PHTF1: variants seen among roughly 807,000 people sequenced by gnomAD.
The protein encoded by PHTF1 is protein PHTF1.
A neutral mutation model predicts 102.4 loss-of-function variants in PHTF1; 88 were observed. The observed-to-expected ratio is 0.86, with a 90% CI of 0.72 to 1.03. PHTF1 has a LOEUF of 1.03. PHTF1 is among the 50% of genes least tolerant of loss of function. The probability of loss-of-function intolerance (pLI) is 0.00; values close to 1 mark genes in which losing one functional copy is unlikely to be tolerated. For synonymous variants in PHTF1, 289 were observed against 305.2 expected (o/e 0.95, Z 0.55); for missense variants, 814 against 909.5 (o/e 0.89, Z 1.35).
At position 113,713,425 on chromosome 1, in the gene PHTF1, T is replaced by G. The variant is rs984279016; in HGVS notation, c.637A>C (p.Lys213Gln). 5 of 1,558,284 alleles carry G rather than the reference T, an allele frequency of 3.2e-6. No individual in the cohort carries two copies. Among genetic ancestry groups the G allele is most frequent in the Admixed American group, 1.8e-5 (1 of 56,894 alleles). The change falls in exon 8 of 19, where the codon AAA becomes CAA. Residue 213 changes from lysine (K) to glutamine (Q), a missense_variant. Lys to Gln is a moderately conservative substitution (Grantham distance 53, BLOSUM62 1). Coordinates refer to ENST00000369604, the MANE Select transcript of PHTF1 (RefSeq NM_001323043.2). ...TIFGNRIKRV[K>Q]LISNKGTETD... Reference sequence around the variant, plus strand: ...TCAGTCCCTTTGTTAGATATTAATTTTACTCTTTTAATCCTATTTTTTAAA... The same window carrying G: ...TCAGTCCCTTTGTTAGATATTAATTGTACTCTTTTAATCCTATTTTTTAAA...
upstream of PHTF1, among the ~76,000 whole-genome samples, chr1:113,759,686 G>A (rs1173169327): frequency 1.3e-5 from 2 of 152,214 alleles, no homozygotes; most frequent in South Asian, 2.1e-4. Context: ...CACCCTTCAG[G>A]CCTCAGCTTA....
chr1:113,725,185 C>T (rs1653646852), intron 6 of PHTF1: 1 of 193,086 alleles, frequency 5.2e-6, no homozygotes, highest in Non-Finnish European at 1.0e-5. Flanking sequence ...TGTTCAGGCA[C>T]ATTCAACACC....
chr1:113,739,139 C>T (rs902724031), intron 3 of PHTF1, among the ~76,000 whole-genome samples: 3 of 152,112 alleles, frequency 2.0e-5, no homozygotes, highest in Admixed American at 6.5e-5. Context: ...AGGTGTTAGC[C>T]TCTGCGCCCA....
intron 7 of PHTF1, 62 bp from the exon 8 acceptor site, chr1:113,713,500 C>T (rs550726507): frequency 2.3e-6 from 2 of 885,186 alleles, no homozygotes; most frequent in African/African-American, 3.4e-5. Flanking sequence ...CATGAAACCA[C>T]TTTCTTTTAA....
intron 11 of PHTF1, among the ~76,000 whole-genome samples, chr1:113,707,419 G>A (rs755872727): frequency 2.0e-5 from 3 of 152,152 alleles, no homozygotes; most frequent in Admixed American, 6.5e-5. Flanking sequence ...GGTCCTCTCT[G>A]ACAGCCTCAG....
intron 15 of PHTF1, among the ~76,000 whole-genome samples, chr1:113,702,654 GGAA>G (rs1367336700): frequency 2.0e-5 from 3 of 149,218 alleles, no homozygotes; most frequent in Non-Finnish European, 1.5e-5. Context: ...AGAAAAAAAA[GGAA>G]GAAGAAGAAC....
intron 7 of PHTF1, among the ~76,000 whole-genome samples, chr1:113,722,388 G>A (rs987845035): frequency 9.2e-5 from 14 of 151,796 alleles, no homozygotes; most frequent in Admixed American, 9.2e-4. Flanking sequence ...GCAGTGAGCC[G>A]AGATCATGCC....
intron 5 of PHTF1, among the ~76,000 whole-genome samples, chr1:113,734,211 G>C (rs1339018940): frequency 1.3e-5 from 2 of 152,180 alleles, no homozygotes; most frequent in East Asian, 1.9e-4. Flanking sequence ...AGTGAGCCAA[G>C]ATCACGCCAC....
intron 10 of PHTF1, among the ~76,000 whole-genome samples, chr1:113,710,975 A>T (rs370423680): frequency 3.9e-4 from 59 of 151,542 alleles, no homozygotes; most frequent in African/African-American, 1.4e-3. Context: ...TAAATGTTAA[A>T]CTCTGATGTC....
intron 7 of PHTF1, among the ~76,000 whole-genome samples, chr1:113,721,782 C>T (rs767313551): frequency 6.6e-6 from 1 of 151,992 alleles, no homozygotes; most frequent in African/African-American, 2.4e-5. Context: ...CTCCACCTCC[C>T]GGATTCATGC....
chr1:113,717,167 T>A (rs1043954675), intron 7 of PHTF1, among the ~76,000 whole-genome samples: 1 of 151,992 alleles, frequency 6.6e-6, no homozygotes, highest in African/African-American at 2.4e-5. Context: ...AAAAATAGGT[T>A]ATAAAATATT....
intron 5 of PHTF1, among the ~76,000 whole-genome samples, chr1:113,732,435 G>T (rs562659646): frequency 1.2e-4 from 19 of 152,178 alleles, no homozygotes; most frequent in Admixed American, 1.2e-3. Flanking sequence ...GGCAGAGGTT[G>T]CAGTGAGCCG....
Position 113,704,777 on chromosome 1 carries a change from G to A in PHTF1, c.1692C>T (p.Leu564=). ...TYKQRFLFAK[L]FSHITSARKA... is the part of the protein sequence containing the mutation. ...TCCTGGCAGAAGTAATATGGCTGAA[G>A]AGTTTTGCAAATAAAAATCTCTAGA... Residue 564 remains leucine (L), a synonymous_variant, in exon 14 of 19, where the codon CTC becomes CTT. Transcript: ENST00000369604. The A allele has an allele frequency of 1.3e-6, 2 of 1,593,030 alleles. No homozygotes were observed. The highest frequency in any genetic ancestry group is 1.7e-6 in the Non-Finnish European group (2 of 1,163,694).
Position 113,704,070 on chromosome 1 carries a change from G to A in PHTF1, c.1890+11C>T, listed in dbSNP as rs1446251074. Reference sequence around the variant, plus strand: ...TTTCATTTTTCCTTAAAGCAGATGTGAAACTTTTACCTGAGCACAACAAAT... The same window carrying A: ...TTTCATTTTTCCTTAAAGCAGATGTAAAACTTTTACCTGAGCACAACAAAT... On this transcript the variant is annotated intron_variant, in intron 15 of 18. Coordinates refer to ENST00000369604, the MANE Select transcript of PHTF1 (RefSeq NM_001323043.2). 1 of 1,586,226 alleles carries A rather than the reference G, an allele frequency of 6.3e-7. No homozygotes were observed. Among genetic ancestry groups the A allele is most frequent in the Non-Finnish European group, 8.7e-7 (1 of 1,155,142 alleles).
chr1:113,736,128 G>C (rs1227026144), intron 5 of PHTF1, among the ~76,000 whole-genome samples: 1 of 150,716 alleles, frequency 6.6e-6, no homozygotes, highest in African/African-American at 2.4e-5. Context: ...GGATAGCAAG[G>C]TCAGGAGATC....
In PHTF1 at chr1:113,752,385, A is replaced by ATTT. The variant is rs774522219; in HGVS notation, c.102+5311_102+5313dup. 6.0e-3 allele frequency among the ~76,000 whole-genome samples: 286 copies of ATTT among 47,930 alleles called. 46 individuals carry two copies. The highest frequency in any genetic ancestry group is 7.0e-3 in the African/African-American group (71 of 10,212). The allele number at this position is 47,930 out of a possible 152,430, so 31.4% of individuals were successfully genotyped here. ...CTTGCCACATTCATTTGTTACTGTA[A>ATTT]TTTTTTTTTTTTTTTTTTTTTTTTT... On this transcript the variant is annotated intron_variant, in intron 3 of 18. Transcript: ENST00000369604.
At chr1:113,700,425 G>A (rs1649313521) in intron 16 of PHTF1, among the ~76,000 whole-genome samples, 1 of 152,122 alleles carries the variant, frequency 6.6e-6, no homozygotes, top group African/African-American at 2.4e-5. Flanking sequence ...ACTGAATAAT[G>A]TATTCTATGT....
chr1:113,754,425 T>A (rs539282098), intron 3 of PHTF1, among the ~76,000 whole-genome samples: 14 of 149,868 alleles, frequency 9.3e-5, no homozygotes, highest in African/African-American at 3.2e-4. Flanking sequence ...AAAAAAAAAA[T>A]GATTGAATGT....
chr1:113,698,248 G>C lies in PHTF1; in HGVS notation c.2268+14C>G. On this transcript the variant is annotated intron_variant, in intron 18 of 18. Transcript: ENST00000369604. ...TTTAAGACTAGGATGCTACAGAGTGGTGGTGATACTTACTCTTATATTAAA... is the reference window on the plus strand; with the variant it reads ...TTTAAGACTAGGATGCTACAGAGTGCTGGTGATACTTACTCTTATATTAAA... 6.3e-7 allele frequency: 1 copy of C among 1,589,156 alleles called. No individual in the cohort carries two copies. Among genetic ancestry groups the C allele is most frequent in the Non-Finnish European group, 8.6e-7 (1 of 1,161,386 alleles).
Sources: allele counts gnomAD v4.1 joint callset (sites outside exome capture counted in the v4.1 genomes callset), GRCh38; gene constraint gnomAD v4.1.1; transcripts MANE v1.5; gene names NCBI Gene and HGNC (gene_info 2026-07-23, HGNC 2026-07-21).